ZNF500: variants seen among roughly 807,000 people sequenced by gnomAD.
ZNF500 encodes zinc finger protein with KRAB and SCAN domains 18.
In ZNF500, 31 loss-of-function variants were observed where a neutral mutation model predicts 30.1. That is an observed-to-expected ratio of 1.03 (90% CI 0.77 to 1.39). The LOEUF (loss-of-function observed/expected upper bound fraction) is 1.39, where lower values mean the gene tolerates loss of function less well. Among genes scored for constraint, ZNF500 ranks in the 40% most tolerant of loss-of-function variants. The pLI is 0.00. For synonymous variants in ZNF500, 392 were observed against 282.0 expected, an observed-to-expected ratio of 1.39 and a Z score of -3.91; for missense variants, 817 against 657.8, an observed-to-expected ratio of 1.24 and a Z score of -2.65.
In ZNF500 at chr16:4,762,850, C is replaced by A. The variant is rs957660117; in HGVS notation, c.415-94G>T. The A allele has an allele frequency of 3.4e-6, 5 of 1,466,552 alleles. No homozygotes were observed. In the African/African-American group the frequency reaches 5.7e-5, roughly 17 times the overall value. 90.8% of individuals were successfully genotyped at this position (1,466,552 alleles called of 1,614,324 possible). A position where few individuals can be genotyped will look rare whatever the true frequency, so the allele number is the denominator to read the frequency against. On this transcript the variant is annotated intron_variant, in intron 2 of 5. Transcript: ENST00000219478. ...ACACCCCTCATCTCAGGCACCCCAG[C>A]CGGCTGCCCACCCCCGGGCTGTCTG...
rs1298423437 is a variant in ZNF500 at position 4,750,179 on chromosome 16, G to A, written c.*2197C>T. Reference sequence around the variant, plus strand: ...TGGGTGCTTTGCTAGCTCCTGGAGTGTGGCCTGGCCACATCTAGCTGGGTA... The same window carrying A: ...TGGGTGCTTTGCTAGCTCCTGGAGTATGGCCTGGCCACATCTAGCTGGGTA... On this transcript the variant is annotated 3_prime_UTR_variant, in exon 6 of 6. Transcript: ENST00000219478. The A allele has an allele frequency of 1.3e-5, 2 of 152,508 alleles. No individual in the cohort carries two copies. The highest frequency in any genetic ancestry group is 2.9e-5 in the Non-Finnish European group (2 of 68,288). 9.4% of individuals were successfully genotyped at this position (152,508 alleles called of 1,614,324 possible). A position where few individuals can be genotyped will look rare whatever the true frequency, so the allele number is the denominator to read the frequency against.
chr16:4,746,977 C>T, downstream of ZNF500: 2 of 1,551,308 alleles, frequency 1.3e-6, no homozygotes, highest in Non-Finnish European at 1.7e-6. Context: ...GAAGAGATGG[C>T]AGCTCTGGGA....
chr16:4,752,350 TGGAAAGG>T lies in ZNF500; in HGVS notation c.*19_*25del. 2.1e-6 allele frequency: 3 copies of T among 1,460,710 alleles called. No homozygotes were observed. Among genetic ancestry groups the T allele is most frequent in the Non-Finnish European group, 2.7e-6 (3 of 1,110,572 alleles). 90.5% of individuals were successfully genotyped at this position (1,460,710 alleles called of 1,614,324 possible). ...ATTCTGTGCCCAGGGATGAGAGTCC[TGGAAAGG>T]GAGTTTCAGGCCTGGTGATCAGGCT... On this transcript the variant is annotated 3_prime_UTR_variant, in exon 6 of 6. Coordinates refer to ENST00000219478, the MANE Select transcript of ZNF500 (RefSeq NM_021646.4).
chr16:4,762,259 C>G lies in ZNF500; in HGVS notation c.663+12G>C, dbSNP rs753637568. The G allele has an allele frequency of 1.2e-6, 2 of 1,610,428 alleles. No homozygotes were observed. The highest frequency in any genetic ancestry group is 1.3e-5 in the African/African-American group (1 of 74,984). On this transcript the variant is annotated intron_variant, in intron 4 of 5. Transcript: ENST00000219478. ...ACCCCAGGATGCTGCAGACCAGGAG[C>G]ATCCCACTCACCTGGGACCAGGCCG...
Position 4,760,453 on chromosome 16 carries a change from T to C in ZNF500, c.760+39A>G, listed in dbSNP as rs565058040. On this transcript the variant is annotated intron_variant, in intron 5 of 5. Coordinates refer to ENST00000219478, the MANE Select transcript of ZNF500 (RefSeq NM_021646.4). ...GCTGGTGCCTGACAGTTCCTATTTT[T>C]GGCAAGCCCCCTAGAGGACACAATC... 20 of 1,592,778 alleles carry C rather than the reference T, an allele frequency of 1.3e-5. No individual in the cohort carries two copies. In the East Asian group the frequency reaches 4.5e-4, roughly 36 times the overall value.
downstream of ZNF500, chr16:4,746,638 A>C: frequency 5.9e-4 from 752 of 1,280,212 alleles, no homozygotes; most frequent in Non-Finnish European, 7.3e-4. Flanking sequence ...ATCAATTCTC[A>C]ATTGAAAAGT....
rs1253810918 is a variant in ZNF500 at position 4,763,722 on chromosome 16, G to A, written c.415-966C>T. ...TGCAGTGACAGAAGGAAGCCATGCC[G>A]GGAACCCCAAACACTGAAGCTGTGG... On this transcript the variant is annotated intron_variant, in intron 2 of 5. Coordinates refer to ENST00000219478, the MANE Select transcript of ZNF500 (RefSeq NM_021646.4). The A allele has an allele frequency of 1.3e-5, 12 of 935,604 alleles. 1 individual carries two copies. Among genetic ancestry groups the A allele is most frequent in the East Asian group, 1.5e-4 (1 of 6,524 alleles). 58.0% of individuals were successfully genotyped at this position (935,604 alleles called of 1,614,324 possible).
chr16:4,754,592 A>G (rs2082117358), intron 5 of ZNF500, among the ~76,000 whole-genome samples: 1 of 151,728 alleles, frequency 6.6e-6, no homozygotes, highest in Admixed American at 6.6e-5. Context: ...TGAACTCGGG[A>G]GGCAGAAGTT....
intron 5 of ZNF500, chr16:4,758,683 C>A (rs968149543): frequency 6.6e-6 from 1 of 152,204 alleles, no homozygotes; most frequent in African/African-American, 2.4e-5. Flanking sequence ...GTCTCCAACT[C>A]ATGGACAGAT....
At position 4,760,559 on chromosome 16, in the gene ZNF500, T is replaced by C. The variant is rs755886933; in HGVS notation, c.693A>G (p.Val231=). ...ATCTTGGCTCCTCCCCAGAAAGGTA[T>C]ACAGCCACGTCCTCCAAGTTCACGG... ...QVPVNLEDVA[V]YLSGEEPRCM... Residue 231 remains valine, a synonymous_variant, in exon 5 of 6, where the codon GTA becomes GTG. Coordinates refer to ENST00000219478, the MANE Select transcript of ZNF500 (RefSeq NM_021646.4). 6.2e-6 allele frequency: 10 copies of C among 1,613,580 alleles called. No homozygotes were observed. Among genetic ancestry groups the C allele is most frequent in the Middle Eastern group, 1.6e-4 (1 of 6,062 alleles).
chr16:4,746,842 C>G, downstream of ZNF500: 2 of 1,289,836 alleles, frequency 1.6e-6, no homozygotes, highest in South Asian at 1.6e-5. Flanking sequence ...GGGTCACCAG[C>G]AAAGCCCGAG....
chr16:4,746,279 G>A, downstream of ZNF500: 3 of 1,346,658 alleles, frequency 2.2e-6, no homozygotes, highest in Non-Finnish European at 3.1e-6. Flanking sequence ...CACTCACTGG[G>A]TGGCAGCCAC....
intron 2 of ZNF500, chr16:4,764,263 T>C (rs1270087670): frequency 1.4e-5 from 3 of 208,216 alleles, no homozygotes; most frequent in Non-Finnish European, 8.4e-6. Flanking sequence ...CAGTGGCTCA[T>C]GCCTGTAATC....
chr16:4,745,124 A>AT (rs1414739854), downstream of ZNF500: 2 of 1,345,920 alleles, frequency 1.5e-6, no homozygotes, highest in Non-Finnish European at 2.0e-6. Flanking sequence ...TTTCTCAGTC[A>AT]CTCTCAAGCA....
downstream of ZNF500, chr16:4,746,298 T>C (rs533539117): frequency 6.8e-7 from 1 of 1,467,702 alleles, no homozygotes; most frequent in African/African-American, 1.4e-5. Flanking sequence ...ACGAGCACTG[T>C]GACTGGACAA....
chr16:4,755,678 T>A (rs113089184), intron 5 of ZNF500, among the ~76,000 whole-genome samples: 30 of 152,090 alleles, frequency 2.0e-4, no homozygotes, highest in Non-Finnish European at 1.2e-4. Flanking sequence ...CAAGAGTCAT[T>A]ATATGAGCCA....
intron 4 of ZNF500, among the ~76,000 whole-genome samples, chr16:4,761,364 C>T (rs991493701): frequency 6.5e-4 from 98 of 151,756 alleles, no homozygotes; most frequent in African/African-American, 1.9e-3. Context: ...CGCTTGAACC[C>T]GGGAGCCGGA....
chr16:4,764,266 C>G (rs916845234), intron 2 of ZNF500: 1 of 202,928 alleles, frequency 4.9e-6, no homozygotes, highest in African/African-American at 2.4e-5. Flanking sequence ...TGGCTCATGC[C>G]TGTAATCCCA....
intron 2 of ZNF500, among the ~76,000 whole-genome samples, chr16:4,764,635 A>G (rs1247290076): frequency 2.0e-5 from 3 of 151,862 alleles, no homozygotes; most frequent in Non-Finnish European, 4.4e-5. Context: ...CAAAAAAATT[A>G]GCCGGGCGTG....
Sources: allele counts gnomAD v4.1 joint callset (sites outside exome capture counted in the v4.1 genomes callset), GRCh38; gene constraint gnomAD v4.1.1; transcripts MANE v1.5; gene names NCBI Gene and HGNC (gene_info 2026-07-23, HGNC 2026-07-21).